The following GRIK1 variants were observed in gnomAD, a reference collection of about 807,000 sequenced individuals.
GRIK1 encodes the protein glutamate ionotropic receptor kainate type subunit 1.
Under a neutral mutation model 105.7 loss-of-function variants are expected in GRIK1, and 69 were observed. The observed-to-expected ratio is 0.65, with a 90% CI of 0.54 to 0.80. GRIK1 has a LOEUF of 0.80. GRIK1 is among the 30% of genes least tolerant of loss of function. The probability of loss-of-function intolerance (pLI) is 0.00; values close to 1 mark genes in which losing one functional copy is unlikely to be tolerated. For synonymous variants in GRIK1, 438 were observed against 431.3 expected (o/e 1.02, Z -0.19); for missense variants, 1,109 against 1,167.3 (o/e 0.95, Z 0.73).
chr21:29,694,297 T>C (rs748643380), intron 1 of GRIK1, among the ~76,000 whole-genome samples: 1 of 151,920 alleles, frequency 6.6e-6, no homozygotes, highest in South Asian at 2.1e-4. Flanking sequence ...CTAATTATTA[T>C]ATTATTAGTA....
chr21:29,733,497 C>A (rs2064692606), intron 1 of GRIK1, among the ~76,000 whole-genome samples: 1 of 151,942 alleles, frequency 6.6e-6, no homozygotes, highest in East Asian at 1.9e-4. Context: ...GCATCCTAAT[C>A]CCCTAATTTT....
intron 1 of GRIK1, among the ~76,000 whole-genome samples, chr21:29,834,023 G>A (rs1446589087): frequency 6.6e-6 from 1 of 152,134 alleles, no homozygotes; most frequent in East Asian, 1.9e-4. Context: ...AAATGTATTA[G>A]TCTTTTGCAT....
chr21:29,646,429 G>A (rs17764804), intron 6 of GRIK1, among the ~76,000 whole-genome samples: 1,870 of 152,140 alleles, frequency 0.012, 13 homozygotes, highest in Non-Finnish European at 0.016. Flanking sequence ...TTTTTCCTTC[G>A]CTGATTTTAC....
chr21:29,919,392 A>G (rs1040429004), intron 1 of GRIK1, among the ~76,000 whole-genome samples: 1 of 152,154 alleles, frequency 6.6e-6, no homozygotes, highest in Admixed American at 6.6e-5. Flanking sequence ...GAGTGATTTC[A>G]GATTAGTGGC....
At chr21:29,880,170 C>T (rs1452342576) in intron 1 of GRIK1, among the ~76,000 whole-genome samples, 1 of 152,018 alleles carries the variant, frequency 6.6e-6, no homozygotes, top group Non-Finnish European at 1.5e-5. Flanking sequence ...ACAAAAAAAC[C>T]TCAAGTCTAT....
chr21:29,696,770 G>A (rs998086444), intron 1 of GRIK1, among the ~76,000 whole-genome samples: 1 of 152,144 alleles, frequency 6.6e-6, no homozygotes, highest in Non-Finnish European at 1.5e-5. Flanking sequence ...GGTATTTAGG[G>A]GAAAAGTCAA....
intron 1 of GRIK1, among the ~76,000 whole-genome samples, chr21:29,725,982 T>C (rs899249876): frequency 1.3e-5 from 2 of 152,200 alleles, no homozygotes; most frequent in Admixed American, 6.6e-5. Context: ...GGGATTTTAA[T>C]GCCCATTAGA....
chr21:29,749,280 A>G (rs2065121276), intron 1 of GRIK1: 1 of 149,038 alleles, frequency 6.7e-6, no homozygotes, highest in Non-Finnish European at 1.5e-5. Flanking sequence ...CAATATAGTC[A>G]GTTGTTTTAC....
At chr21:29,806,820 C>T (rs548668977) in intron 1 of GRIK1, among the ~76,000 whole-genome samples, 2 of 152,238 alleles carry the variant, frequency 1.3e-5, no homozygotes, top group African/African-American at 4.8e-5. Flanking sequence ...ACAATGACGA[C>T]ATTCATAATT....
At chr21:29,826,751 GAGAGA>G (rs2067470613) in intron 1 of GRIK1, among the ~76,000 whole-genome samples, 1 of 152,078 alleles carries the variant, frequency 6.6e-6, no homozygotes, top group Non-Finnish European at 1.5e-5. Context: ...TGGAGAGAGA[GAGAGA>G]AATTTATTGA....
chr21:29,708,600 G>A (rs570194979), intron 1 of GRIK1, among the ~76,000 whole-genome samples: 22 of 152,144 alleles, frequency 1.4e-4, no homozygotes, highest in Non-Finnish European at 2.9e-4. Flanking sequence ...TGACTTGTGA[G>A]CAGAAGTCTC....
At chr21:29,905,653 G>C (rs2070597596) in intron 1 of GRIK1, among the ~76,000 whole-genome samples, 1 of 120,220 alleles carries the variant, frequency 8.3e-6, no homozygotes, top group Non-Finnish European at 1.6e-5. Flanking sequence ...TTGAGACGGA[G>C]TCTCGCTCTG....
chr21:29,682,297 A>G (rs1030375302), intron 3 of GRIK1, among the ~76,000 whole-genome samples: 3 of 152,124 alleles, frequency 2.0e-5, no homozygotes, highest in East Asian at 1.9e-4. Context: ...CAGCCTAAAC[A>G]TTTTAGTTCT....
chr21:29,781,657 C>CTTTTTTTTTTTTTTTT (rs71191125), intron 1 of GRIK1, among the ~76,000 whole-genome samples: 1 of 69,260 alleles, frequency 1.4e-5, no homozygotes, highest in Non-Finnish European at 2.5e-5. Flanking sequence ...CCTACTGTTT[C>CTTTTTTTTTTTTTTTT]TTTTTTTTTT....
intron 1 of GRIK1, among the ~76,000 whole-genome samples, chr21:29,724,286 GA>G (rs1321712787): frequency 6.6e-6 from 1 of 152,144 alleles, no homozygotes; most frequent in Non-Finnish European, 1.5e-5. Flanking sequence ...TCCCTGTGGG[GA>G]AAAAGACCTA....
At chr21:29,613,436 T>C (rs560960133) in intron 7 of GRIK1, among the ~76,000 whole-genome samples, 1 of 152,278 alleles carries the variant, frequency 6.6e-6, no homozygotes, top group African/African-American at 2.4e-5. Context: ...CACTACACCA[T>C]AAGAATCACT....
At chr21:29,884,532 A>G (rs866833050) in intron 1 of GRIK1, among the ~76,000 whole-genome samples, 6 of 152,022 alleles carry the variant, frequency 3.9e-5, no homozygotes, top group East Asian at 1.9e-4. Flanking sequence ...CTTGATGGCC[A>G]TGTTCATCTC....
intron 16 of GRIK1, chr21:29,553,476 A>G (rs1280851711): frequency 5.5e-6 from 8 of 1,463,644 alleles, no homozygotes; most frequent in Non-Finnish European, 7.2e-6. Context: ...ATTTATGCTT[A>G]GCAAATACAA....
Position 29,589,099 on chromosome 21 carries a change from C to G in GRIK1, c.1366-57G>C, listed in dbSNP as rs927400661. On this transcript the variant is annotated intron_variant, in intron 10 of 17. Transcript: ENST00000327783. ...GTTATAATGAAAGGAAGAGTTTACC[C>G]TATCAGCAGCTTGAAGATGTGAAAT... The G allele has an allele frequency of 2.1e-5, 19 of 914,626 alleles. No individual in the cohort carries two copies. The African/African-American group carries it at 2.7e-4, about 13-fold the overall frequency. The allele number at this position is 914,626 out of a possible 1,614,324, so 56.7% of individuals were successfully genotyped here.
Sources: gnomAD v4.1 joint callset for allele counts (sites outside exome capture counted in the v4.1 genomes callset) on GRCh38, gnomAD v4.1.1 for gene constraint, MANE v1.5 for transcripts, NCBI Gene and HGNC (gene_info 2026-07-23, HGNC 2026-07-21) for gene names.